FGL1: variants seen among roughly 807,000 people sequenced by gnomAD.
FGL1 encodes the protein fibrinogen-like protein 1.
A neutral mutation model predicts 43.7 loss-of-function variants in FGL1; 59 were observed. That is an observed-to-expected ratio of 1.35 (90% CI 1.10 to 1.68). The LOEUF is 1.68. FGL1 is among the 40% of genes most tolerant of loss of function. The probability of loss-of-function intolerance (pLI) is 0.00; values close to 1 mark genes in which losing one functional copy is unlikely to be tolerated. For missense variants in FGL1, 596 were observed against 373.0 expected (o/e 1.60, Z -4.92); for synonymous variants, 192 against 126.5 (o/e 1.52, Z -3.48).
chr8:17,883,094 GTAATATATTAAATAATATATATCA>G (rs1563457985), intron 2 of FGL1, among the ~76,000 whole-genome samples: 118 of 18,372 alleles, frequency 6.4e-3, no homozygotes, highest in East Asian at 7.4e-3. Context: ...TATATCATAT[GTAATATATTAAATAATATATATCA>G]TATATAATAT....
intron 3 of FGL1, among the ~76,000 whole-genome samples, chr8:17,875,497 T>A (rs2053432679): frequency 1.5e-4 from 1 of 6,774 alleles, no homozygotes; most frequent in Admixed American, 6.5e-4. Flanking sequence ...CTTTCTTTCT[T>A]TCTTTCTTTC....
At chr8:17,892,481 TG>T (rs1351412223) in intron 1 of FGL1, among the ~76,000 whole-genome samples, 66 of 152,062 alleles carry the variant, frequency 4.3e-4, no homozygotes, top group African/African-American at 1.5e-3. Context: ...GAGGGAAAAT[TG>T]TTTGCCTAAA....
chr8:17,882,355 G>A, intron 2 of FGL1, 176 bp from the exon 3 acceptor site: 11 of 529,050 alleles, frequency 2.1e-5, no homozygotes, highest in South Asian at 9.4e-5. Flanking sequence ...TTGAAGAATT[G>A]GAAATTATGG....
chr8:17,880,938 A>G (rs1487369226), intron 3 of FGL1, among the ~76,000 whole-genome samples: 1 of 152,304 alleles, frequency 6.6e-6, no homozygotes, highest in East Asian at 1.9e-4. Flanking sequence ...AAATATACAT[A>G]TAAAAAACTA....
chr8:17,891,130 A>C (rs1225118016), intron 1 of FGL1: 2 of 152,180 alleles, frequency 1.3e-5, no homozygotes, highest in African/African-American at 4.8e-5. Context: ...GTGAGTGGCT[A>C]CATCTATTAT....
chr8:17,865,231 G>T (rs1231573465), intron 7 of FGL1, among the ~76,000 whole-genome samples: 2 of 152,028 alleles, frequency 1.3e-5, no homozygotes, highest in African/African-American at 4.8e-5. Context: ...AAACAAAAAC[G>T]CATCCTTGTA....
intron 2 of FGL1, chr8:17,882,521 G>C (rs531681747): frequency 5.8e-6 from 1 of 171,068 alleles, no homozygotes; most frequent in African/African-American, 2.4e-5. Context: ...AGCGGAGGTG[G>C]GATTCAAATT....
intron 1 of FGL1, among the ~76,000 whole-genome samples, chr8:17,890,534 A>C (rs558410740): frequency 6.6e-6 from 1 of 152,248 alleles, no homozygotes; most frequent in East Asian, 1.9e-4. Context: ...GACATCCTTC[A>C]GGTCTTTGCT....
At chr8:17,885,628 A>AGAGTT (rs1380932834) in intron 1 of FGL1, 57 bp from the exon 2 acceptor site, 1 of 1,478,106 alleles carries the variant, frequency 6.8e-7, no homozygotes, top group Non-Finnish European at 9.4e-7. Flanking sequence ...TCATGAGACC[A>AGAGTT]GAGTTCAGAC....
chr8:17,882,086 G>C lies in FGL1; in HGVS notation c.157C>G (p.Gln53Glu). Residue 53 changes from glutamine (Q) to glutamate (E), a missense_variant, in exon 3 of 8, where the codon CAG (glutamine) becomes GAG (glutamate). Coordinates refer to ENST00000427924, the MANE Select transcript of FGL1 (RefSeq NM_004467.4). ...TGGACTTCATTCTCCTGCAAAAGCT[G>C]CTTGATCTTGACCTGTTGCTGTTTG... ...RVKQQQVKIKQLLQENEVQFL... is the reference protein window; with the variant it reads ...RVKQQQVKIKELLQENEVQFL... 1 of 1,614,056 alleles carries C rather than the reference G, an allele frequency of 6.2e-7. No homozygotes were observed. The highest frequency in any genetic ancestry group is 8.5e-7 in the Non-Finnish European group (1 of 1,180,008).
At chr8:17,879,708 G>A (rs1165822705) in intron 3 of FGL1, among the ~76,000 whole-genome samples, 1 of 151,596 alleles carries the variant, frequency 6.6e-6, no homozygotes, top group Non-Finnish European at 1.5e-5. Flanking sequence ...ACAGCCTGCA[G>A]AACCATGAGC....
At chr8:17,879,785 G>A (rs2053507892) in intron 3 of FGL1, among the ~76,000 whole-genome samples, 1 of 152,076 alleles carries the variant, frequency 6.6e-6, no homozygotes, top group South Asian at 2.1e-4. Context: ...TATGAGAACG[G>A]ACTAATACAG....
intron 1 of FGL1, chr8:17,895,143 T>C: frequency 3.4e-6 from 1 of 297,730 alleles, no homozygotes; most frequent in Non-Finnish European, 5.0e-6. Context: ...TTATATTACT[T>C]TGATTAGCTT....
rs2053309720 is a variant in FGL1, at chr8:17,868,702, C to A, written c.625G>T (p.Gly209Ter). Residue 209 changes from glycine to a stop codon, truncating the protein, a stop_gained, in exon 7 of 8, where the codon GGA becomes TGA. Transcript: ENST00000427924. LOFTEE classifies it high-confidence loss of function. Reference sequence around the variant, plus strand: ...CCCGCAAGGGAATCTCCAGCTGTTCCAGAATATTCCCCAATATTCAACTCG... The same window carrying A: ...CCCGCAAGGGAATCTCCAGCTGTTCAAGAATATTCCCCAATATTCAACTCG... The part of the protein sequence containing the change: ...FYELNIGEYS[G>*]TAGDSLAGNF... The A allele has an allele frequency of 1.2e-6, 2 of 1,613,218 alleles. No homozygotes were observed. The highest frequency in any genetic ancestry group is 1.7e-6 in the Non-Finnish European group (2 of 1,179,782).
At chr8:17,884,979 C>T (rs2053605841) in intron 2 of FGL1, among the ~76,000 whole-genome samples, 1 of 151,898 alleles carries the variant, frequency 6.6e-6, no homozygotes, top group Non-Finnish European at 1.5e-5. Flanking sequence ...AACCAAATAA[C>T]TCCAGTGAAT....
At chr8:17,881,901 G>T (rs2053541774) in intron 3 of FGL1, 98 bp downstream of exon 3, 3 of 954,534 alleles carry the variant, frequency 3.1e-6, no homozygotes, top group South Asian at 1.7e-5. Context: ...CATATTGCTT[G>T]TTACTGAAAT....
At chr8:17,876,773 T>G (rs996986611) in intron 3 of FGL1, among the ~76,000 whole-genome samples, 28 of 152,298 alleles carry the variant, frequency 1.8e-4, no homozygotes, top group African/African-American at 5.8e-4. Context: ...AATATGGAAG[T>G]GATTAGCTAT....
At chr8:17,877,455 G>A (rs970821008) in intron 3 of FGL1, among the ~76,000 whole-genome samples, 3 of 152,098 alleles carry the variant, frequency 2.0e-5, no homozygotes, top group Non-Finnish European at 4.4e-5. Context: ...TCAGGATGGT[G>A]GCTGAGGCAC....
At chr8:17,889,938 C>T (rs1429326226) in intron 1 of FGL1, among the ~76,000 whole-genome samples, 1 of 152,192 alleles carries the variant, frequency 6.6e-6, no homozygotes, top group Non-Finnish European at 1.5e-5. Context: ...CTGTTTGCAG[C>T]TTACTTGATC....
Sources: allele counts gnomAD v4.1 joint callset (sites outside exome capture counted in the v4.1 genomes callset), GRCh38; gene constraint gnomAD v4.1.1; transcripts MANE v1.5; gene names NCBI Gene and HGNC (gene_info 2026-07-23, HGNC 2026-07-21).